Variants in DCN observed in about 807,000 individuals in gnomAD.
The protein encoded by DCN is decorin.
Under a neutral mutation model 36.5 loss-of-function variants are expected in DCN, and 17 were observed. The ratio of observed to expected loss-of-function variants is 0.47; its 90% CI spans 0.32 to 0.70. The LOEUF is 0.70. Among genes scored for constraint, DCN ranks in the 30% least tolerant of loss-of-function variants. The pLI is 0.04. For missense variants in DCN, 389 were observed against 430.1 expected, an observed-to-expected ratio of 0.90 and a Z score of 0.84; for synonymous variants, 163 against 161.4, an observed-to-expected ratio of 1.01 and a Z score of -0.07.
At chr12:91,180,776 A>G (rs1868366748) in intron 1 of DCN, 1 of 152,166 alleles carries the variant, frequency 6.6e-6, no homozygotes. Context: ...TTTCCCATTA[A>G]AAATGCAATG....
chr12:91,177,518 G>T (rs912297235), intron 2 of DCN: 10 of 697,910 alleles, frequency 1.4e-5, no homozygotes, highest in Non-Finnish European at 1.8e-5. Flanking sequence ...TGAATGAGCT[G>T]CCATGTAAAC....
intron 7 of DCN, among the ~76,000 whole-genome samples, chr12:91,148,750 T>C (rs3138280): frequency 0.062 from 6,212 of 100,770 alleles, 577 homozygotes; most frequent in African/African-American, 0.22. Flanking sequence ...AAAAAAAAAA[T>C]TTGAAATATT....
chr12:91,145,930 C>A lies in DCN; in HGVS notation c.*128G>T. On this transcript the variant is annotated 3_prime_UTR_variant, in exon 8 of 8. Coordinates refer to ENST00000052754, the MANE Select transcript of DCN (RefSeq NM_001920.5). ...CTTAAACTGGAAATTTGGCTTTATG[C>A]ATAATAAGTCATGTGGGTAAAACAT... The A allele has an allele frequency of 2.5e-6, 2 of 799,828 alleles. No homozygotes were observed. The highest frequency in any genetic ancestry group is 1.6e-5 in the South Asian group (1 of 62,484). 49.5% of individuals were successfully genotyped at this position (799,828 alleles called of 1,614,324 possible).
chr12:91,169,956 C>G (rs1882847340), intron 2 of DCN: 1 of 151,156 alleles, frequency 6.6e-6, no homozygotes, highest in Non-Finnish European at 1.5e-5. Context: ...CCCAGCTACT[C>G]AGGAGGCTGA....
intron 5 of DCN, among the ~76,000 whole-genome samples, chr12:91,156,587 C>T (rs1881786348): frequency 6.6e-6 from 1 of 151,740 alleles, no homozygotes; most frequent in Non-Finnish European, 1.5e-5. Context: ...CTACCACTAT[C>T]ATTCAGATAT....
intron 2 of DCN, among the ~76,000 whole-genome samples, chr12:91,168,610 G>A (rs1882735949): frequency 6.6e-6 from 1 of 152,132 alleles, no homozygotes; most frequent in South Asian, 2.1e-4. Context: ...TATGAGTATG[G>A]CTTTGAGATC....
intron 7 of DCN, among the ~76,000 whole-genome samples, chr12:91,147,506 G>T (rs1230518221): frequency 6.6e-6 from 1 of 152,120 alleles, no homozygotes; most frequent in Non-Finnish European, 1.5e-5. Flanking sequence ...GCTTGTTTAT[G>T]GCTGTATCTC....
intron 2 of DCN, among the ~76,000 whole-genome samples, chr12:91,167,177 A>T (rs761115606): frequency 1.3e-5 from 2 of 152,236 alleles, no homozygotes; most frequent in Middle Eastern, 6.8e-3. Flanking sequence ...CTGACATCAG[A>T]CCCAGTAATA....
chr12:91,167,819 A>G (rs1882679099), intron 2 of DCN, among the ~76,000 whole-genome samples: 1 of 151,996 alleles, frequency 6.6e-6, no homozygotes. Context: ...CTCCAGAACT[A>G]TGTTTTTTGT....
intron 2 of DCN, chr12:91,172,981 T>TA (rs1883069598): frequency 6.8e-6 from 3 of 442,518 alleles, no homozygotes; most frequent in Non-Finnish European, 7.9e-6. Flanking sequence ...TAGATTACAG[T>TA]AAAAAAGGCA....
intron 3 of DCN, among the ~76,000 whole-genome samples, chr12:91,161,840 T>G (rs917454135): frequency 3.2e-4 from 48 of 152,190 alleles, no homozygotes; most frequent in African/African-American, 1.1e-3. Context: ...GATGCCTAAT[T>G]TTTTCTTTTA....
At chr12:91,148,717 G>A (rs75841239) in intron 7 of DCN, among the ~76,000 whole-genome samples, 11,221 of 64,312 alleles carry the variant, frequency 0.17, 705 homozygotes, top group African/African-American at 0.3. Context: ...GAGACGCTCC[G>A]ACTCAAAAAA....
intron 7 of DCN, among the ~76,000 whole-genome samples, chr12:91,148,073 CTT>C (rs201463809): frequency 7.1e-5 from 10 of 140,630 alleles, no homozygotes; most frequent in Non-Finnish European, 7.8e-5. Flanking sequence ...ACAACAAGGT[CTT>C]TTTTTTTTTT....
At chr12:91,147,404 A>G (rs1415043258) in intron 7 of DCN, among the ~76,000 whole-genome samples, 1 of 152,152 alleles carries the variant, frequency 6.6e-6, no homozygotes, top group Non-Finnish European at 1.5e-5. Context: ...GTTTTTCTTC[A>G]TAGCATTATC....
chr12:91,171,196 A>T (rs1289923358), intron 2 of DCN, among the ~76,000 whole-genome samples: 1 of 152,188 alleles, frequency 6.6e-6, no homozygotes, highest in African/African-American at 2.4e-5. Context: ...GTAACTATGA[A>T]GTTAATTTGT....
At chr12:91,150,191 A>G (rs1881312614) in intron 7 of DCN, among the ~76,000 whole-genome samples, 2 of 152,246 alleles carry the variant, frequency 1.3e-5, no homozygotes, top group Admixed American at 6.5e-5. Flanking sequence ...AGGGTATAAT[A>G]CTGTCATATG....
intron 1 of DCN, chr12:91,180,610 A>G (rs1384337898): frequency 6.6e-6 from 1 of 152,192 alleles, no homozygotes; most frequent in Non-Finnish European, 1.5e-5. Flanking sequence ...ACAAAATATC[A>G]TAAAGATTAT....
intron 7 of DCN, among the ~76,000 whole-genome samples, chr12:91,150,478 A>G (rs1343682567): frequency 6.6e-6 from 1 of 152,208 alleles, no homozygotes; most frequent in Non-Finnish European, 1.5e-5. Flanking sequence ...ACACAAAACT[A>G]TGGTCTATGA....
At chr12:91,151,957 C>T (rs895137467) in intron 6 of DCN, among the ~76,000 whole-genome samples, 165 bp from the exon 7 acceptor site, 3 of 152,120 alleles carry the variant, frequency 2.0e-5, no homozygotes, top group Non-Finnish European at 4.4e-5. Context: ...TGGACAAAGT[C>T]CATTTATTGT....
Sources: gnomAD v4.1 joint callset for allele counts (sites outside exome capture counted in the v4.1 genomes callset) on GRCh38, gnomAD v4.1.1 for gene constraint, MANE v1.5 for transcripts, NCBI Gene and HGNC (gene_info 2026-07-23, HGNC 2026-07-21) for gene names.